MAST2: variants seen among roughly 807,000 people sequenced by gnomAD.
MAST2 encodes the protein microtubule-associated serine/threonine-protein kinase 2.
MAST2 carries 70 observed loss-of-function variants against 147.4 expected under a neutral mutation model. The ratio of observed to expected loss-of-function variants is 0.47; its 90% CI spans 0.39 to 0.58. The LOEUF (loss-of-function observed/expected upper bound fraction) is 0.58. MAST2 is among the 20% of genes least tolerant of loss of function. The pLI, the probability that MAST2 is intolerant of heterozygous loss-of-function variation, is 0.00. For synonymous variants in MAST2, 869 were observed against 896.8 expected (o/e 0.97, Z 0.55); for missense variants, 2,080 against 2,302.3 (o/e 0.90, Z 1.98).
intron 1 of MAST2, among the ~76,000 whole-genome samples, chr1:45,824,027 C>A (rs538138633): frequency 4.8e-4 from 73 of 152,284 alleles, no homozygotes; most frequent in African/African-American, 1.7e-3. Context: ...AGAGATATTT[C>A]TGACTTTATA....
intron 1 of MAST2, among the ~76,000 whole-genome samples, chr1:45,810,810 CAAAAAAAAAAA>C (rs909997197): frequency 5.6e-5 from 2 of 35,594 alleles, no homozygotes; most frequent in African/African-American, 2.1e-4. Context: ...GACTCCATCT[CAAAAAAAAAAA>C]AAAAAAAAGG....
chr1:45,849,336 T>A (rs1645547109), intron 3 of MAST2, among the ~76,000 whole-genome samples: 1 of 152,018 alleles, frequency 6.6e-6, no homozygotes, highest in Non-Finnish European at 1.5e-5. Flanking sequence ...CAAACTGTAC[T>A]ATAGGGATAC....
intron 16 of MAST2, 116 bp downstream of exon 16, chr1:46,025,931 CTG>C: frequency 7.6e-7 from 1 of 1,322,750 alleles, no homozygotes; most frequent in Non-Finnish European, 1.1e-6. Context: ...AAACATGCTC[CTG>C]TGTGTGTCCA....
Position 45,997,704 on chromosome 1 carries a change from G to A in MAST2, c.593-20G>A. ...TCACAAGCAAACCTCACAGAGTTTT[G>A]TTTCTTTTCCCATCCACAGGTAACA... On this transcript the variant is annotated intron_variant, in intron 5 of 28. Coordinates refer to ENST00000361297, the MANE Select transcript of MAST2 (RefSeq NM_015112.3). 6.2e-7 allele frequency: 1 copy of A among 1,606,678 alleles called. No homozygotes were observed. Among genetic ancestry groups the A allele is most frequent in the Non-Finnish European group, 8.5e-7 (1 of 1,173,162 alleles).
chr1:46,004,484 T>G (rs1347019855), intron 7 of MAST2, among the ~76,000 whole-genome samples: 1 of 152,186 alleles, frequency 6.6e-6, no homozygotes, highest in East Asian at 1.9e-4. Context: ...TCCAGCTTAT[T>G]AGGATTCTTT....
At chr1:45,866,203 G>T (rs950516154) in intron 3 of MAST2, among the ~76,000 whole-genome samples, 1 of 152,172 alleles carries the variant, frequency 6.6e-6, no homozygotes, top group African/African-American at 2.4e-5. Flanking sequence ...AACATTCAGA[G>T]CCCGTAGGGA....
At chr1:45,986,369 G>C (rs1005878037) in intron 5 of MAST2, among the ~76,000 whole-genome samples, 3 of 152,126 alleles carry the variant, frequency 2.0e-5, no homozygotes, top group Non-Finnish European at 4.4e-5. Context: ...GAATTCCTGA[G>C]ATAAACGTTA....
intron 5 of MAST2, among the ~76,000 whole-genome samples, chr1:45,985,935 T>G (rs760128789): frequency 7.2e-5 from 11 of 152,248 alleles, no homozygotes; most frequent in Non-Finnish European, 1.5e-4. Context: ...TATATTGATC[T>G]TTTATCCTGC....
intron 4 of MAST2, among the ~76,000 whole-genome samples, chr1:45,957,505 G>T (rs188432376): frequency 6.6e-6 from 1 of 152,236 alleles, no homozygotes; most frequent in East Asian, 1.9e-4. Flanking sequence ...AACTGTACGT[G>T]TTCTTCTTTT....
chr1:45,885,787 T>TA (rs1557867880), intron 4 of MAST2, among the ~76,000 whole-genome samples: 1 of 152,210 alleles, frequency 6.6e-6, no homozygotes, highest in Non-Finnish European at 1.5e-5. Flanking sequence ...ATACTGGAGA[T>TA]ACAGTAGTGA....
Position 46,032,375 on chromosome 1 carries a change from G to C in MAST2, c.3385G>C (p.Asp1129His), listed in dbSNP as rs374331745. The stretch of plus-strand genomic sequence containing the variant: ...CATTCGCGTCTACATGGGTGACTCC[G>C]ATGTCTACACCGTGCACCATATGGT... ...RAIRVYMGDS[D>H]VYTVHHMVWH... Residue 1129 changes from aspartate (D) to histidine (H), a missense_variant, in exon 25 of 29, where the codon GAT becomes CAT. Physicochemically the swap from Asp to His is moderately conservative, Grantham distance 81 (BLOSUM62 -1). Transcript: ENST00000361297. 9.1e-5 allele frequency: 147 copies of C among 1,614,054 alleles called. 1 individual carries two copies. The South Asian group carries it at 1.1e-3, about 13-fold the overall frequency.
chr1:45,841,275 C>T (rs897671157), intron 3 of MAST2, among the ~76,000 whole-genome samples: 1 of 152,026 alleles, frequency 6.6e-6, no homozygotes, highest in Admixed American at 6.6e-5. Context: ...GTTTTTTGTT[C>T]AATTAAGTCA....
At chr1:45,928,754 T>C (rs927093281) in intron 4 of MAST2, among the ~76,000 whole-genome samples, 5 of 152,072 alleles carry the variant, frequency 3.3e-5, no homozygotes, top group African/African-American at 1.2e-4. Context: ...TAATTTTTTC[T>C]ATTTTTTGTA....
At chr1:45,941,780 T>G (rs1657330411) in intron 4 of MAST2, among the ~76,000 whole-genome samples, 1 of 152,242 alleles carries the variant, frequency 6.6e-6, no homozygotes, top group Admixed American at 6.5e-5. Flanking sequence ...GTTCCTCCTC[T>G]TAGGGAGAAA....
Position 45,966,431 on chromosome 1 carries a change from A to C in MAST2, c.592+6954A>C, listed in dbSNP as rs868827721. Among the ~76,000 whole-genome samples, 653 of 152,220 alleles carry C rather than the reference A, an allele frequency of 4.3e-3. 6 individuals are homozygous for C. Among genetic ancestry groups the C allele is most frequent in the African/African-American group, 0.014 (589 of 41,532 alleles). ...AGTGTATTTGATTTTGTAAAAAAAA[A>C]AAAAAAAAAAACTCTTCAAGCTGGG... is the stretch of plus-strand genomic sequence containing the variant. On this transcript the variant is annotated intron_variant, in intron 5 of 28. Transcript: ENST00000361297.
At chr1:45,915,947 C>G (rs1652436213) in intron 4 of MAST2, among the ~76,000 whole-genome samples, 1 of 151,996 alleles carries the variant, frequency 6.6e-6, no homozygotes, top group African/African-American at 2.4e-5. Flanking sequence ...AGTGAAAATT[C>G]TTTTTGAAAA....
intron 4 of MAST2, among the ~76,000 whole-genome samples, chr1:45,934,227 A>C (rs1046361072): frequency 6.6e-6 from 1 of 152,168 alleles, no homozygotes; most frequent in Non-Finnish European, 1.5e-5. Context: ...AGCTGCATCC[A>C]TGTTGCTGTA....
intron 4 of MAST2, among the ~76,000 whole-genome samples, chr1:45,905,621 A>G (rs1456910907): frequency 1.3e-5 from 2 of 152,128 alleles, no homozygotes; most frequent in African/African-American, 4.8e-5. Flanking sequence ...CTAAAAACAC[A>G]AAAAATTAGC....
chr1:45,867,661 G>A (rs980135736), intron 3 of MAST2, among the ~76,000 whole-genome samples: 1 of 152,124 alleles, frequency 6.6e-6, no homozygotes, highest in African/African-American at 2.4e-5. Context: ...AGATTGGAGG[G>A]GTGATAGCAG....
Sources: allele counts gnomAD v4.1 joint callset (sites outside exome capture counted in the v4.1 genomes callset), GRCh38; gene constraint gnomAD v4.1.1; transcripts MANE v1.5; gene names NCBI Gene and HGNC (gene_info 2026-07-23, HGNC 2026-07-21).